Variants in TPRX1 observed in about 807,000 individuals in gnomAD.
TPRX1 encodes the protein tetra-peptide repeat homeobox protein 1.
A neutral mutation model predicts 8.1 loss-of-function variants in TPRX1; 2 were observed. The observed-to-expected ratio is 0.25, with a 90% CI of 0.10 to 0.78. The LOEUF (loss-of-function observed/expected upper bound fraction) is 0.78, where lower values mean the gene tolerates loss of function less well. TPRX1 is among the 30% of genes least tolerant of loss of function. The pLI, the probability that TPRX1 is intolerant of heterozygous loss-of-function variation, is 0.70. For missense variants in TPRX1, 517 were observed against 586.9 expected, an observed-to-expected ratio of 0.88 and a Z score of 1.23; for synonymous variants, 257 against 254.1, an observed-to-expected ratio of 1.01 and a Z score of -0.11.
intron 2 of TPRX1, among the ~76,000 whole-genome samples, chr19:47,804,938 G>A (rs1266326491): frequency 1.3e-5 from 2 of 152,162 alleles, no homozygotes; most frequent in African/African-American, 2.4e-5. Flanking sequence ...CTGGGGCCCC[G>A]AGTGACCAAT....
intron 3 of TPRX1, among the ~76,000 whole-genome samples, 164 bp from the exon 3 acceptor site, chr19:47,803,144 G>A (rs994584938): frequency 6.6e-6 from 1 of 151,950 alleles, no homozygotes; most frequent in African/African-American, 2.4e-5. Context: ...GGAGAATGGA[G>A]GGAAGAGGGA....
intron 2 of TPRX1, among the ~76,000 whole-genome samples, chr19:47,816,367 C>T (rs1369726182): frequency 2.0e-5 from 3 of 151,628 alleles, no homozygotes; most frequent in African/African-American, 7.3e-5. Flanking sequence ...TGTGCCTGGC[C>T]TTCTTTTTAA....
chr19:47,818,644 C>T (rs1967873406), intron 1 of TPRX1: 1 of 435,838 alleles, frequency 2.3e-6, no homozygotes, highest in Non-Finnish European at 4.6e-6. Context: ...AGGAGCACCC[C>T]CATCCTGCAG....
At chr19:47,807,596 C>T (rs1967746527) in intron 2 of TPRX1, among the ~76,000 whole-genome samples, 1 of 152,158 alleles carries the variant, frequency 6.6e-6, no homozygotes, top group Non-Finnish European at 1.5e-5. Context: ...TAGTCTCGAA[C>T]TCCTGGCCTC....
At chr19:47,801,495 A>C in exon 4 of TPRX1, 1 of 345,144 alleles carries the variant, frequency 2.9e-6, no homozygotes, top group East Asian at 5.1e-5. Flanking sequence ...AGCCCTGGGA[A>C]AAGCCCTTTA....
chr19:47,802,146 T>C lies in TPRX1; in HGVS notation c.1156A>G (p.Ser386Gly), dbSNP rs1429572100. ...CCAGGGCTTCGCATCCGGCCAGGAC[T>C]TAAGATGGGACCTGGGCCTTGGAGT... The change falls in exon 4 of 4, where the codon AGT becomes GGT. Residue 386 changes from serine (S) to glycine (G), a missense_variant. Coordinates refer to ENST00000535759, the Ensembl canonical transcript of TPRX1. 6 of 1,592,406 alleles carry C rather than the reference T, an allele frequency of 3.8e-6. No individual in the cohort carries two copies. The South Asian group carries it at 6.9e-5, about 18-fold the overall frequency.
intron 2 of TPRX1, among the ~76,000 whole-genome samples, chr19:47,808,626 T>C (rs1208605544): frequency 6.6e-6 from 1 of 151,432 alleles, no homozygotes; most frequent in African/African-American, 2.4e-5. Flanking sequence ...TTAATTTTTA[T>C]TTTATTTTTA....
chr19:47,817,185 G>A (rs553771737), intron 2 of TPRX1, among the ~76,000 whole-genome samples: 2 of 152,204 alleles, frequency 1.3e-5, no homozygotes, highest in Non-Finnish European at 2.9e-5. Flanking sequence ...TACAGGCAGG[G>A]AGACTGAGCC....
At chr19:47,817,998 A>G (rs997279922) in intron 2 of TPRX1, among the ~76,000 whole-genome samples, 7 of 152,188 alleles carry the variant, frequency 4.6e-5, no homozygotes, top group Non-Finnish European at 7.3e-5. Context: ...GCAGGGATTC[A>G]TGGCACAGTT....
chr19:47,802,803 T>C, exon 4 of TPRX1: 1 of 1,602,298 alleles, frequency 6.2e-7, no homozygotes, highest in Non-Finnish European at 8.5e-7. Flanking sequence ...AGGCTGCAGA[T>C]CGTGGGTTCC....
chr19:47,807,273 T>C (rs755556122), intron 2 of TPRX1, among the ~76,000 whole-genome samples: 7 of 152,152 alleles, frequency 4.6e-5, no homozygotes, highest in Non-Finnish European at 1.0e-4. Context: ...CCCAGTCTCG[T>C]CTCGAACTCC....
At chr19:47,813,014 G>A (rs901958339) in intron 2 of TPRX1, among the ~76,000 whole-genome samples, 3 of 151,854 alleles carry the variant, frequency 2.0e-5, no homozygotes, top group Admixed American at 6.6e-5. Flanking sequence ...GGTTGAAGCA[G>A]GAGAATCGCT....
chr19:47,802,100 G>C (rs77144450), exon 4 of TPRX1: 9 of 1,589,346 alleles, frequency 5.7e-6, no homozygotes, highest in East Asian at 2.2e-5. Context: ...GCCTAAAATC[G>C]GGGCTAGGCC....
exon 4 of TPRX1, chr19:47,801,443 G>A (rs12462705): frequency 0.42 from 98,382 of 232,348 alleles, 22,593 homozygotes; most frequent in East Asian, 0.65. Flanking sequence ...ACATTAAAAA[G>A]TCTCACAATC....
At chr19:47,814,597 G>A (rs977079383) in intron 2 of TPRX1, among the ~76,000 whole-genome samples, 1 of 152,012 alleles carries the variant, frequency 6.6e-6, no homozygotes, top group Non-Finnish European at 1.5e-5. Flanking sequence ...GTGGGAAGGG[G>A]AGTGCAAGCA....
At chr19:47,802,864 T>C in exon 4 of TPRX1, 1 of 1,600,332 alleles carries the variant, frequency 6.2e-7, no homozygotes, top group Non-Finnish European at 8.5e-7. Context: ...AGGCAGAGGC[T>C]GCAGGGACTA....
At chr19:47,812,223 C>A (rs1967790381) in intron 2 of TPRX1, among the ~76,000 whole-genome samples, 1 of 152,096 alleles carries the variant, frequency 6.6e-6, no homozygotes, top group Non-Finnish European at 1.5e-5. Flanking sequence ...GATCTAGGCA[C>A]CTCCAGAGAG....
chr19:47,815,114 T>TCATATATATATATATATATA (rs1967819232), intron 2 of TPRX1, among the ~76,000 whole-genome samples: 1 of 63,390 alleles, frequency 1.6e-5, no homozygotes, highest in Non-Finnish European at 2.7e-5. Context: ...AATAGATAAA[T>TCATATATATATATATATATA]TATATATATA....
At chr19:47,802,264 G>A in exon 4 of TPRX1, 1 of 1,572,492 alleles carries the variant, frequency 6.4e-7, no homozygotes, top group Non-Finnish European at 8.6e-7. Context: ...CTGGGATCAG[G>A]CCTGGGTTCG....
Sources: gnomAD v4.1 joint callset for allele counts (sites outside exome capture counted in the v4.1 genomes callset) on GRCh38, gnomAD v4.1.1 for gene constraint, MANE v1.5 for transcripts, NCBI Gene and HGNC (gene_info 2026-07-23, HGNC 2026-07-21) for gene names.